The following TMEM150C variants were observed in gnomAD, a reference collection of about 807,000 sequenced individuals.
TMEM150C encodes the protein transmembrane protein 150C.
In TMEM150C, 10 loss-of-function variants were observed where a neutral mutation model predicts 29.9. That is an observed-to-expected ratio of 0.33 (90% CI 0.21 to 0.57). The LOEUF is 0.57. TMEM150C is among the 20% of genes least tolerant of loss of function. The probability of loss-of-function intolerance (pLI) is 0.88; values close to 1 mark genes in which losing one functional copy is unlikely to be tolerated. For missense variants in TMEM150C, 251 were observed against 303.6 expected (o/e 0.83, Z 1.29); for synonymous variants, 101 against 112.5 (o/e 0.90, Z 0.64).
At chr4:82,497,088 G>C (rs896521832) in intron 5 of TMEM150C, among the ~76,000 whole-genome samples, 1 of 152,178 alleles carries the variant, frequency 6.6e-6, no homozygotes, top group African/African-American at 2.4e-5. Flanking sequence ...AAGTTACTTA[G>C]ATTTCAAATC....
At chr4:82,528,448 T>C (rs1724725987) in intron 1 of TMEM150C, among the ~76,000 whole-genome samples, 1 of 152,126 alleles carries the variant, frequency 6.6e-6, no homozygotes, top group Non-Finnish European at 1.5e-5. Flanking sequence ...ACAGCTCTAG[T>C]GAAAAAAGGT....
chr4:82,502,584 A>G lies in TMEM150C; in HGVS notation c.235+143T>C, dbSNP rs6852980. ...TACGAGAGAAAAAGACCTTTAAGAC[A>G]AAGAGCTGGCTTCAGCATATTGACA... On this transcript the variant is annotated intron_variant, in intron 5 of 7. Coordinates refer to ENST00000449862, the MANE Select transcript of TMEM150C (RefSeq NM_001080506.3). The G allele has an allele frequency of 0.011, 8,421 of 766,062 alleles. 475 individuals are homozygous for G. In the African/African-American group the frequency reaches 0.12, roughly 11 times the overall value. The allele number at this position is 766,062 out of a possible 1,614,324, so 47.5% of individuals were successfully genotyped here. A position where few individuals can be genotyped will look rare whatever the true frequency, so the allele number is the denominator to read the frequency against.
chr4:82,490,908 C>T, intron 6 of TMEM150C: 2 of 713,474 alleles, frequency 2.8e-6, no homozygotes, highest in South Asian at 1.4e-5. Context: ...CAGGACATTG[C>T]CTCCCCAGTG....
intron 1 of TMEM150C, among the ~76,000 whole-genome samples, chr4:82,549,181 A>G (rs1039760974): frequency 2.6e-5 from 4 of 152,256 alleles, no homozygotes; most frequent in African/African-American, 9.6e-5. Context: ...TAATATATTC[A>G]TATGAATATA....
At chr4:82,556,304 C>T (rs1210612730) in intron 1 of TMEM150C, among the ~76,000 whole-genome samples, 1 of 152,168 alleles carries the variant, frequency 6.6e-6, no homozygotes, top group Non-Finnish European at 1.5e-5. Context: ...CCACTACTCT[C>T]CACTGCCTTG....
chr4:82,531,826 C>T (rs1724858130), intron 1 of TMEM150C, among the ~76,000 whole-genome samples: 3 of 149,952 alleles, frequency 2.0e-5, no homozygotes, highest in South Asian at 4.2e-4. Context: ...TCATGAAAGC[C>T]AAGGAAAGAA....
In TMEM150C at chr4:82,492,807, AAAAC is replaced by A. The variant is rs1324139906; in HGVS notation, c.364-2573_364-2570del. On this transcript the variant is annotated intron_variant, in intron 6 of 7. Transcript: ENST00000449862. ...TCCACTTCTCCAAAAAAAAAAAAAAAAAACAACAAAGTCTATCCATATCCACATC... is the reference window on the plus strand; with the variant it reads ...TCCACTTCTCCAAAAAAAAAAAAAAAAACAAAGTCTATCCATATCCACATC... Among the ~76,000 whole-genome samples, 25 of 119,176 alleles carry A rather than the reference AAAAC, an allele frequency of 2.1e-4. 1 individual carries two copies. The highest frequency in any genetic ancestry group is 6.8e-4 in the East Asian group (3 of 4,394). 78.2% of individuals were successfully genotyped at this position (119,176 alleles called of 152,430 possible).
At chr4:82,501,887 T>C (rs1166918594) in intron 5 of TMEM150C, among the ~76,000 whole-genome samples, 2 of 152,176 alleles carry the variant, frequency 1.3e-5, no homozygotes, top group Non-Finnish European at 2.9e-5. Context: ...TAATACTACC[T>C]CTTACTTGGA....
intron 1 of TMEM150C, among the ~76,000 whole-genome samples, chr4:82,516,753 T>C (rs755778521): frequency 6.6e-6 from 1 of 152,212 alleles, no homozygotes; most frequent in African/African-American, 2.4e-5. Context: ...GAATGTAGAA[T>C]ATGCTTTTAA....
chr4:82,497,019 A>G (rs931432934), intron 5 of TMEM150C, among the ~76,000 whole-genome samples: 1 of 152,222 alleles, frequency 6.6e-6, no homozygotes, highest in African/African-American at 2.4e-5. Context: ...CTCATTTTAA[A>G]TGTCCACTCT....
chr4:82,548,008 A>C (rs1560499603), intron 1 of TMEM150C, among the ~76,000 whole-genome samples: 1 of 152,248 alleles, frequency 6.6e-6, no homozygotes, highest in African/African-American at 2.4e-5. Context: ...TACACCACGG[A>C]ATACTATACA....
At chr4:82,551,616 C>T (rs1578158300) in intron 1 of TMEM150C, among the ~76,000 whole-genome samples, 3 of 152,182 alleles carry the variant, frequency 2.0e-5, no homozygotes, top group Admixed American at 2.0e-4. Flanking sequence ...TTCCCCTTTT[C>T]ACGTGACTAC....
intron 1 of TMEM150C, among the ~76,000 whole-genome samples, chr4:82,559,310 C>T (rs557589304): frequency 3.5e-4 from 53 of 151,450 alleles, no homozygotes; most frequent in African/African-American, 1.1e-3. Flanking sequence ...TTTGGGAGGC[C>T]GAGGCGGGTG....
At chr4:82,518,599 G>A (rs774236321) in intron 1 of TMEM150C, among the ~76,000 whole-genome samples, 11 of 152,280 alleles carry the variant, frequency 7.2e-5, no homozygotes, top group South Asian at 2.1e-4. Context: ...AGGGCAGGGC[G>A]GAGTTTGGGG....
intron 7 of TMEM150C, among the ~76,000 whole-genome samples, chr4:82,488,638 G>C (rs996278603): frequency 2.6e-5 from 4 of 151,858 alleles, no homozygotes; most frequent in African/African-American, 9.7e-5. Context: ...TTTTGAGTCA[G>C]GGTCTCACTC....
chr4:82,556,661 T>C (rs1725746081), intron 1 of TMEM150C, among the ~76,000 whole-genome samples: 1 of 152,078 alleles, frequency 6.6e-6, no homozygotes, highest in Non-Finnish European at 1.5e-5. Flanking sequence ...ACTCTGTCTC[T>C]ATTAAAAGAG....
At chr4:82,561,524 G>A (rs930845966) in intron 1 of TMEM150C, among the ~76,000 whole-genome samples, 1 of 151,886 alleles carries the variant, frequency 6.6e-6, no homozygotes, top group African/African-American at 2.4e-5. Flanking sequence ...ATGGGGCGGC[G>A]GGTGGGGACA....
chr4:82,531,833 AGAAAG>A (rs1329213460), intron 1 of TMEM150C, among the ~76,000 whole-genome samples: 1 of 152,080 alleles, frequency 6.6e-6, no homozygotes, highest in African/African-American at 2.4e-5. Flanking sequence ...AGCCAAGGAA[AGAAAG>A]GTGCAAGACA....
chr4:82,511,776 A>G (rs1004252613), intron 1 of TMEM150C, among the ~76,000 whole-genome samples: 7 of 152,184 alleles, frequency 4.6e-5, no homozygotes, highest in African/African-American at 1.7e-4. Flanking sequence ...CTGTCCCTAC[A>G]CTATTGACAG....
Sources: allele counts gnomAD v4.1 joint callset (sites outside exome capture counted in the v4.1 genomes callset), GRCh38; gene constraint gnomAD v4.1.1; transcripts MANE v1.5; gene names NCBI Gene and HGNC (gene_info 2026-07-23, HGNC 2026-07-21).